The following TBXAS1 variants were observed in gnomAD, a reference collection of about 807,000 sequenced individuals.
TBXAS1 encodes the protein thromboxane-A synthase.
Under a neutral mutation model 60.7 loss-of-function variants are expected in TBXAS1, and 48 were observed. The ratio of observed to expected loss-of-function variants is 0.79; its 90% CI spans 0.63 to 1.01. The LOEUF (loss-of-function observed/expected upper bound fraction) is 1.01. Ranked by LOEUF, TBXAS1 falls within the 50% of genes least tolerant of loss-of-function variation. The pLI is 0.00. For synonymous variants in TBXAS1, 287 were observed against 269.7 expected (o/e 1.06, Z -0.63); for missense variants, 685 against 686.3 (o/e 1.00, Z 0.02).
chr7:139,813,880 GT>G (rs1374266209), intron 4 of TBXAS1, among the ~76,000 whole-genome samples: 1 of 152,242 alleles, frequency 6.6e-6, no homozygotes, highest in Non-Finnish European at 1.5e-5. Context: ...AGAAGGCACA[GT>G]GGGAGCCCTC....
chr7:139,857,730 T>A (rs79798673), intron 1 of TBXAS1, among the ~76,000 whole-genome samples: 1 of 108,064 alleles, frequency 9.3e-6, no homozygotes, highest in East Asian at 2.5e-4. Context: ...TTCTTCTTAA[T>A]TTTTTTTTTT....
chr7:140,002,898 C>T (rs369115248), intron 9 of TBXAS1, among the ~76,000 whole-genome samples: 1 of 151,950 alleles, frequency 6.6e-6, no homozygotes, highest in Admixed American at 6.5e-5. Context: ...CCGAGGCAGG[C>T]GGATTGCCTG....
chr7:139,847,754 T>C (rs370054892), intron 1 of TBXAS1, among the ~76,000 whole-genome samples: 1 of 152,244 alleles, frequency 6.6e-6, no homozygotes, highest in African/African-American at 2.4e-5. Context: ...ATTAAGTCTC[T>C]AGTACCTAAA....
chr7:139,851,263 A>G (rs1585630455), intron 1 of TBXAS1, among the ~76,000 whole-genome samples: 3 of 152,334 alleles, frequency 2.0e-5, no homozygotes, highest in Middle Eastern at 6.8e-3. Context: ...ACAGCTCAGG[A>G]GGCCTGGACT....
intron 4 of TBXAS1, among the ~76,000 whole-genome samples, chr7:139,799,380 C>T (rs959959015): frequency 1.4e-4 from 21 of 152,158 alleles, no homozygotes; most frequent in African/African-American, 2.9e-4. Flanking sequence ...TATAGGCGCA[C>T]GCTGCCATGC....
intron 1 of TBXAS1, among the ~76,000 whole-genome samples, chr7:139,858,185 C>A (rs1164399897): frequency 1.3e-5 from 2 of 152,230 alleles, no homozygotes; most frequent in African/African-American, 4.8e-5. Context: ...GGTGACCCAT[C>A]TGTTCCAAGG....
chr7:139,911,355 G>A (rs1805504989), intron 4 of TBXAS1, 34 bp downstream of exon 4: 1 of 1,555,694 alleles, frequency 6.4e-7, no homozygotes, highest in East Asian at 2.2e-5. Flanking sequence ...TAGATGGATG[G>A]GGAATTGTTC....
intron 4 of TBXAS1, among the ~76,000 whole-genome samples, chr7:139,930,633 AG>A (rs1807242977): frequency 2.6e-5 from 4 of 151,992 alleles, no homozygotes; most frequent in African/African-American, 9.7e-5. Flanking sequence ...AGACTATATA[AG>A]GGATTGGGAA....
intron 5 of TBXAS1, among the ~76,000 whole-genome samples, chr7:139,952,014 A>AAAGAAAGAAAGAGAG (rs1569518460): frequency 1.0e-4 from 4 of 40,080 alleles, no homozygotes; most frequent in African/African-American, 3.6e-4. Context: ...AAGAAAGAAA[A>AAAGAAAGAAAGAGAG]AGAAAGGAAG....
At chr7:139,990,306 C>T (rs747749511) in intron 9 of TBXAS1, among the ~76,000 whole-genome samples, 22 of 152,336 alleles carry the variant, frequency 1.4e-4, no homozygotes, top group Non-Finnish European at 2.6e-4. Flanking sequence ...AGGGCGCATT[C>T]GCCCCAGCGC....
At chr7:140,001,701 T>G (rs1399041021) in intron 9 of TBXAS1, among the ~76,000 whole-genome samples, 1 of 152,178 alleles carries the variant, frequency 6.6e-6, no homozygotes, top group African/African-American at 2.4e-5. Context: ...CGATAAGAAT[T>G]CTTTTCTAAA....
chr7:140,020,066 A>C lies in TBXAS1; in HGVS notation c.1569A>C (p.Lys523Asn). The C allele has an allele frequency of 6.2e-7, 1 of 1,613,814 alleles. No homozygotes were observed. The highest frequency in any genetic ancestry group is 8.5e-7 in the Non-Finnish European group (1 of 1,179,850). ...QLESKSALGP[K>N]NGVYIKIVSR ...AATCCAAATCTGCCCTAGGTCCAAA[A>C]AATGGTGTCTATATCAAGATCGTAT... The change falls in exon 13 of 13, where the codon AAA (lysine) becomes AAC (asparagine). Residue 523 changes from lysine (K) to asparagine (N), a missense_variant. Lys to Asn is a moderately conservative substitution (Grantham distance 94, BLOSUM62 0). Transcript: ENST00000448866.
chr7:139,851,266 C>T (rs929425918), intron 1 of TBXAS1, among the ~76,000 whole-genome samples: 2 of 152,210 alleles, frequency 1.3e-5, no homozygotes, highest in East Asian at 1.9e-4. Flanking sequence ...GCTCAGGAGG[C>T]CTGGACTGTG....
intron 9 of TBXAS1, among the ~76,000 whole-genome samples, chr7:139,982,393 C>G (rs1380248179): frequency 6.6e-6 from 1 of 152,080 alleles, no homozygotes; most frequent in Admixed American, 6.5e-5. Context: ...GGGAGGCTGG[C>G]TCTCCTAGGA....
At chr7:139,922,382 G>A (rs986299025) in intron 4 of TBXAS1, among the ~76,000 whole-genome samples, 2 of 151,510 alleles carry the variant, frequency 1.3e-5, no homozygotes, top group East Asian at 2.0e-4. Context: ...GATTATAGGC[G>A]TGAGCCACCG....
At chr7:139,788,303 C>G (rs1177398887) in intron 4 of TBXAS1, among the ~76,000 whole-genome samples, 1 of 152,208 alleles carries the variant, frequency 6.6e-6, no homozygotes. Flanking sequence ...TCTGCTATAT[C>G]TGCATAGTAT....
intron 10 of TBXAS1, among the ~76,000 whole-genome samples, chr7:140,009,219 C>A (rs1415433590): frequency 6.6e-6 from 1 of 152,206 alleles, no homozygotes; most frequent in East Asian, 1.9e-4. Context: ...CACCTGAGGA[C>A]CAGACAGAAA....
intron 11 of TBXAS1, among the ~76,000 whole-genome samples, chr7:140,017,151 G>A (rs536562529): frequency 3.0e-4 from 46 of 152,224 alleles, no homozygotes; most frequent in Admixed American, 2.0e-3. Context: ...AAGCAAACAC[G>A]GGCAGGAGAG....
intron 9 of TBXAS1, among the ~76,000 whole-genome samples, chr7:139,970,839 T>C (rs1811143598): frequency 1.3e-5 from 2 of 152,180 alleles, no homozygotes; most frequent in Admixed American, 1.3e-4. Context: ...GAGCTTTCTG[T>C]CAGGACATGT....
Sources: gnomAD v4.1 joint callset for allele counts (sites outside exome capture counted in the v4.1 genomes callset) on GRCh38, gnomAD v4.1.1 for gene constraint, MANE v1.5 for transcripts, NCBI Gene and HGNC (gene_info 2026-07-23, HGNC 2026-07-21) for gene names.